TAF4B: variants seen among roughly 807,000 people sequenced by gnomAD.
The protein encoded by TAF4B is TATA-box binding protein associated factor 4b.
Under a neutral mutation model 86.4 loss-of-function variants are expected in TAF4B, and 38 were observed. That is an observed-to-expected ratio of 0.44 (90% CI 0.34 to 0.58). The LOEUF (loss-of-function observed/expected upper bound fraction) is 0.58, where lower values mean the gene tolerates loss of function less well. Among genes scored for constraint, TAF4B ranks in the 20% least tolerant of loss-of-function variants. TAF4B has a pLI of 0.02. For synonymous variants in TAF4B, 388 were observed against 391.2 expected (o/e 0.99, Z 0.10); for missense variants, 988 against 1,027.6 (o/e 0.96, Z 0.53).
chr18:26,332,703 C>A (rs1206368126), intron 12 of TAF4B, among the ~76,000 whole-genome samples: 1 of 151,834 alleles, frequency 6.6e-6, no homozygotes, highest in Non-Finnish European at 1.5e-5. Context: ...CTACTTTTTG[C>A]ATTATTAGTA....
At chr18:26,355,284 A>G (rs562381378) in intron 13 of TAF4B, among the ~76,000 whole-genome samples, 2 of 152,166 alleles carry the variant, frequency 1.3e-5, no homozygotes, top group African/African-American at 4.8e-5. Context: ...TTTTTTATAT[A>G]TAGATAACTT....
At chr18:26,369,833 A>T (rs1319820139) in intron 14 of TAF4B, among the ~76,000 whole-genome samples, 1 of 152,338 alleles carries the variant, frequency 6.6e-6, no homozygotes, top group East Asian at 1.9e-4. Flanking sequence ...ATGCTAACTA[A>T]TACAGGGCTT....
chr18:26,263,901 G>T (rs1431932988), intron 1 of TAF4B, among the ~76,000 whole-genome samples: 1 of 152,114 alleles, frequency 6.6e-6, no homozygotes, highest in African/African-American at 2.4e-5. Flanking sequence ...CATTGTCTAA[G>T]AGTTTAAAAA....
At chr18:26,336,475 G>GA (rs1480007245) in intron 13 of TAF4B, among the ~76,000 whole-genome samples, 1 of 152,044 alleles carries the variant, frequency 6.6e-6, no homozygotes, top group Non-Finnish European at 1.5e-5. Context: ...CATAGAGAAG[G>GA]AAAATACATG....
intron 1 of TAF4B, among the ~76,000 whole-genome samples, chr18:26,237,187 T>C (rs910498422): frequency 4.6e-5 from 7 of 152,212 alleles, no homozygotes; most frequent in South Asian, 2.1e-4. Flanking sequence ...TTGGCTGTTA[T>C]TCTGTCATTT....
At chr18:26,263,488 T>G (rs935382414) in intron 1 of TAF4B, among the ~76,000 whole-genome samples, 4 of 152,248 alleles carry the variant, frequency 2.6e-5, no homozygotes, top group African/African-American at 9.6e-5. Flanking sequence ...TTACCTTTCC[T>G]TGTCCTTGGC....
chr18:26,373,460 A>G (rs2057420253), intron 14 of TAF4B, among the ~76,000 whole-genome samples: 1 of 152,118 alleles, frequency 6.6e-6, no homozygotes. Flanking sequence ...TTAATTTTTA[A>G]ATTTAAAATG....
intron 13 of TAF4B, among the ~76,000 whole-genome samples, chr18:26,335,751 A>G (rs2057085509): frequency 6.6e-6 from 1 of 152,198 alleles, no homozygotes; most frequent in Admixed American, 6.5e-5. Context: ...GTTTTAGTTT[A>G]TAGCTTAGAC....
chr18:26,347,918 A>G (rs569686517), intron 13 of TAF4B, among the ~76,000 whole-genome samples: 1 of 152,366 alleles, frequency 6.6e-6, no homozygotes, highest in South Asian at 2.1e-4. Context: ...AGATATATAA[A>G]GTAAATATTA....
intron 14 of TAF4B, among the ~76,000 whole-genome samples, chr18:26,373,151 C>T (rs1006569239): frequency 1.3e-5 from 2 of 152,122 alleles, no homozygotes; most frequent in African/African-American, 4.8e-5. Context: ...CCTCTCCCTT[C>T]ACAGAGAGAG....
Position 26,265,315 on chromosome 18 carries a change from G to A in TAF4B, c.489G>A (p.Pro163=), listed in dbSNP as rs759888734. The part of the protein sequence containing the change: ...NPQTVKICTV[P]NSSSQLIKKV... The stretch of plus-strand genomic sequence containing the variant: ...AAACAGTCAAAATCTGTACAGTGCC[G>A]GTAATATACCTTAAATATTTTTCAT... Residue 163 remains proline, a splice_region_variant and synonymous_variant, in exon 2 of 15, where the codon CCG becomes CCA. Transcript: ENST00000269142. 6.9e-6 allele frequency: 11 copies of A among 1,590,466 alleles called. No homozygotes were observed. In the East Asian group the frequency reaches 1.8e-4, roughly 26 times the overall value.
intron 10 of TAF4B, among the ~76,000 whole-genome samples, chr18:26,319,755 AT>A (rs536103244): frequency 1.3e-5 from 2 of 151,460 alleles, no homozygotes; most frequent in African/African-American, 4.8e-5. Context: ...ACGACCAGCT[AT>A]TTTTTTTGTA....
chr18:26,261,628 A>G (rs543482458), intron 1 of TAF4B, among the ~76,000 whole-genome samples: 1 of 152,322 alleles, frequency 6.6e-6, no homozygotes, highest in African/African-American at 2.4e-5. Flanking sequence ...GTTTTCAACA[A>G]TGCCCTAGAG....
intron 6 of TAF4B, among the ~76,000 whole-genome samples, chr18:26,282,881 A>T (rs2056467395): frequency 6.6e-6 from 1 of 152,074 alleles, no homozygotes; most frequent in Admixed American, 6.6e-5. Context: ...CCAGGGGTAG[A>T]CTCCATCTCA....
intron 9 of TAF4B, among the ~76,000 whole-genome samples, chr18:26,295,653 G>A (rs925311002): frequency 5.3e-5 from 8 of 152,172 alleles, no homozygotes; most frequent in African/African-American, 1.9e-4. Context: ...TGGGGGCTGG[G>A]GACCCCTGTC....
intron 7 of TAF4B, among the ~76,000 whole-genome samples, chr18:26,289,510 G>A (rs1246135218): frequency 1.3e-5 from 2 of 152,048 alleles, no homozygotes; most frequent in African/African-American, 4.8e-5. Context: ...TTTTTAGACA[G>A]TGTCTTACTT....
At chr18:26,312,401 C>T (rs562116409) in intron 9 of TAF4B, among the ~76,000 whole-genome samples, 9 of 152,114 alleles carry the variant, frequency 5.9e-5, no homozygotes, top group Non-Finnish European at 8.8e-5. Flanking sequence ...TCCTCCTCTA[C>T]GCCTGCCACC....
At chr18:26,345,161 C>CTGTAGACCAA (rs1213303731) in intron 13 of TAF4B, among the ~76,000 whole-genome samples, 1 of 152,146 alleles carries the variant, frequency 6.6e-6, no homozygotes, top group East Asian at 1.9e-4. Context: ...CAGATAAGCT[C>CTGTAGACCAA]CTGGTCTACC....
At chr18:26,342,835 G>A (rs1045774474) in intron 13 of TAF4B, among the ~76,000 whole-genome samples, 2 of 152,182 alleles carry the variant, frequency 1.3e-5, no homozygotes, top group African/African-American at 2.4e-5. Context: ...TCCCAAACCT[G>A]TTTGGTCTCT....
Sources: allele counts gnomAD v4.1 joint callset (sites outside exome capture counted in the v4.1 genomes callset), GRCh38; gene constraint gnomAD v4.1.1; transcripts MANE v1.5; gene names NCBI Gene and HGNC (gene_info 2026-07-23, HGNC 2026-07-21).